Variants in HAAO observed in about 807,000 individuals in gnomAD.
HAAO encodes 3-hydroxyanthranilate 3,4-dioxygenase.
In HAAO, 49 loss-of-function variants were observed where a neutral mutation model predicts 46.2. That is an observed-to-expected ratio of 1.06 (90% CI 0.84 to 1.34). The LOEUF (loss-of-function observed/expected upper bound fraction) is 1.34. Among genes scored for constraint, HAAO ranks in the 40% most tolerant of loss-of-function variants. The pLI is 0.00. For synonymous variants in HAAO, 157 were observed against 145.2 expected (o/e 1.08, Z -0.58); for missense variants, 408 against 364.5 (o/e 1.12, Z -0.97).
At chr2:42,792,398 C>T in intron 1 of HAAO, 59 bp downstream of exon 1, 2 of 895,726 alleles carry the variant, frequency 2.2e-6, no homozygotes, top group Non-Finnish European at 1.7e-6. Flanking sequence ...GGTGAGGGCG[C>T]AGATGGAGGA....
rs536072596 is a variant in HAAO at position 42,775,117 on chromosome 2, C to T, written c.351-4535G>A. On this transcript the variant is annotated intron_variant, in intron 4 of 9. Coordinates refer to ENST00000294973, the MANE Select transcript of HAAO (RefSeq NM_012205.3). Reference sequence around the variant, plus strand: ...CAAAAATTAGCTGGGCGCAGTGGCGCGCACCTGTAATTCCAGCTATTCAGG... The same window carrying T: ...CAAAAATTAGCTGGGCGCAGTGGCGTGCACCTGTAATTCCAGCTATTCAGG... Among the ~76,000 whole-genome samples the T allele has an allele frequency of 5.3e-5, 8 of 152,178 alleles. No individual in the cohort carries two copies. The South Asian group carries it at 6.2e-4, about 12-fold the overall frequency.
intron 1 of HAAO, among the ~76,000 whole-genome samples, chr2:42,791,923 G>GGTGT (rs1553413105): frequency 6.7e-6 from 1 of 150,170 alleles, no homozygotes; most frequent in Non-Finnish European, 1.5e-5. Context: ...GGTCTGGTGT[G>GGTGT]GTGTGTGTGT....
At chr2:42,768,882 C>G (rs932260843) in intron 7 of HAAO, among the ~76,000 whole-genome samples, 2 of 152,196 alleles carry the variant, frequency 1.3e-5, no homozygotes, top group African/African-American at 4.8e-5. Context: ...CACCCCCAAG[C>G]CCCGCCTCTG....
chr2:42,775,860 CCT>C, intron 4 of HAAO, among the ~76,000 whole-genome samples: 1 of 67,488 alleles, frequency 1.5e-5, no homozygotes, highest in Non-Finnish European at 2.5e-5. Flanking sequence ...ATTGTGTTAT[CCT>C]TTTTTTTTTT....
chr2:42,788,551 T>C lies in HAAO; in HGVS notation c.137A>G (p.Tyr46Cys), dbSNP rs771936965. Residue 46 changes from tyrosine to cysteine, a missense_variant, in exon 2 of 10, where the codon TAT (tyrosine) becomes TGT (cysteine). Transcript: ENST00000294973. The part of the protein sequence containing the change: ...FIGGPNTRKD[Y>C]HIEEGEEVFY... ...TACCTCTTCACCCTCTTCGATGTGATAGTCCTTCCTGGTGTTGGGGCCTCC... is the reference window on the plus strand; with the variant it reads ...TACCTCTTCACCCTCTTCGATGTGACAGTCCTTCCTGGTGTTGGGGCCTCC... The C allele has an allele frequency of 1.2e-6, 2 of 1,607,140 alleles. No homozygotes were observed. The highest frequency in any genetic ancestry group is 1.7e-5 in the Admixed American group (1 of 60,004).
intron 4 of HAAO, among the ~76,000 whole-genome samples, chr2:42,779,688 C>T (rs1323221083): frequency 2.6e-5 from 4 of 152,156 alleles, no homozygotes; most frequent in Non-Finnish European, 5.9e-5. Flanking sequence ...AAGGTTTTCA[C>T]CTTTTTTGAA....
In HAAO at chr2:42,767,483, G is replaced by T. The variant is rs1558656216; in HGVS notation, c.815C>A (p.Ala272Asp). 1.2e-6 allele frequency: 2 copies of T among 1,613,088 alleles called. No individual in the cohort carries two copies. The highest frequency in any genetic ancestry group is 1.7e-6 in the Non-Finnish European group (2 of 1,179,540). Residue 272 changes from alanine to aspartate, a missense_variant, in exon 10 of 10, where the codon GCC (alanine) becomes GAC (aspartate). Coordinates refer to ENST00000294973, the MANE Select transcript of HAAO (RefSeq NM_012205.3). ...GGCAGGGTCCTGGGTCACAGACAGG[G>T]CCACAGAGCCTTGTGTTCGCTCCCA... ...YAWERTQGSVALSVTQDPACK... is the reference protein window; with the variant it reads ...YAWERTQGSVDLSVTQDPACK...
rs1368882960 is a variant in HAAO, at chr2:42,769,606, AGTGT to A, written c.630+103_630+106del. On this transcript the variant is annotated intron_variant, in intron 7 of 9. Transcript: ENST00000294973. ...GTGTGTGTGTGTGTGTGTGTGTGTG[AGTGT>A]GTGTGTGAAAGAGAGAGAGAGAGAG... is the stretch of plus-strand genomic sequence containing the variant. 7 of 660,694 alleles carry A rather than the reference AGTGT, an allele frequency of 1.1e-5. No homozygotes were observed. The East Asian group carries it at 1.2e-4, about 11-fold the overall frequency. The allele number at this position is 660,694 out of a possible 1,614,324, so 40.9% of individuals were successfully genotyped here. A position where few individuals can be genotyped will look rare whatever the true frequency, so the allele number is the denominator to read the frequency against.
chr2:42,783,860 T>C lies in HAAO; in HGVS notation c.167A>G (p.Tyr56Cys), dbSNP rs1405984908. 6 of 1,610,004 alleles carry C rather than the reference T, an allele frequency of 3.7e-6. No individual in the cohort carries two copies. The highest frequency in any genetic ancestry group is 4.2e-6 in the Non-Finnish European group (5 of 1,178,168). Reference protein sequence around the residue: ...YHIEEGEEVFYQLEGDMVLRV... With the variant: ...YHIEEGEEVFCQLEGDMVLRV... The stretch of plus-strand genomic sequence containing the variant: ...GAGAACCATGTCTCCCTCCAGCTGG[T>C]AAAATACCTGTGGGACAGGAGAGAG... Residue 56 changes from tyrosine to cysteine, a missense_variant, in exon 3 of 10, where the codon TAC becomes TGC. By Grantham distance (194) the Tyr-to-Cys change is radical. Transcript: ENST00000294973.
chr2:42,773,425 A>G (rs1436521369), intron 4 of HAAO, among the ~76,000 whole-genome samples: 1 of 151,978 alleles, frequency 6.6e-6, no homozygotes, highest in Non-Finnish European at 1.5e-5. Context: ...TTCTGGCTGC[A>G]CTGGGGGAGG....
intron 1 of HAAO, among the ~76,000 whole-genome samples, chr2:42,790,102 C>T (rs1324810387): frequency 6.6e-6 from 1 of 152,162 alleles, no homozygotes; most frequent in African/African-American, 2.4e-5. Flanking sequence ...CCAAACTAGA[C>T]TGGCAGGTCC....
Position 42,783,869 on chromosome 2 carries a change from T to C in HAAO, c.160-2A>G. On this transcript the variant is annotated splice_acceptor_variant, in intron 2 of 9. Coordinates refer to ENST00000294973, the MANE Select transcript of HAAO (RefSeq NM_012205.3). LOFTEE classifies it high-confidence loss of function. ...GTCTCCCTCCAGCTGGTAAAATACCTGTGGGACAGGAGAGAGGCTTGGACC... is the reference window on the plus strand; with the variant it reads ...GTCTCCCTCCAGCTGGTAAAATACCCGTGGGACAGGAGAGAGGCTTGGACC... 1 of 1,607,852 alleles carries C rather than the reference T, an allele frequency of 6.2e-7. No individual in the cohort carries two copies. The highest frequency in any genetic ancestry group is 8.5e-7 in the Non-Finnish European group (1 of 1,176,900).
chr2:42,787,120 G>A (rs1672447488), intron 2 of HAAO, among the ~76,000 whole-genome samples: 1 of 152,190 alleles, frequency 6.6e-6, no homozygotes, highest in Non-Finnish European at 1.5e-5. Context: ...CGTCCCTCCA[G>A]AGTGAGGACA....
intron 4 of HAAO, among the ~76,000 whole-genome samples, chr2:42,777,303 C>CAAAAAAAAAAAAA (rs1215772853): frequency 5.0e-4 from 20 of 40,150 alleles, no homozygotes; most frequent in South Asian, 2.6e-3. Flanking sequence ...ACTCTTATCG[C>CAAAAAAAAAAAAA]AAAAAAAAAA....
At chr2:42,785,739 G>A (rs1269465455) in intron 2 of HAAO, among the ~76,000 whole-genome samples, 1 of 151,988 alleles carries the variant, frequency 6.6e-6, no homozygotes, top group Non-Finnish European at 1.5e-5. Context: ...ATGTGTGCCT[G>A]TAGTCCTAAC....
chr2:42,783,725 G>C, intron 3 of HAAO, 59 bp downstream of exon 3: 1 of 1,425,450 alleles, frequency 7.0e-7, no homozygotes, highest in Non-Finnish European at 9.8e-7. Flanking sequence ...TGAGTGGACA[G>C]GGCGGATTCC....
At chr2:42,780,505 G>A (rs535008551) in intron 4 of HAAO, among the ~76,000 whole-genome samples, 16 of 151,584 alleles carry the variant, frequency 1.1e-4, no homozygotes, top group East Asian at 2.0e-4. Context: ...CGCGCCCGGC[G>A]AACACAGGTG....
rs1377924704 is a variant in HAAO, at chr2:42,770,180, G to A, written c.447C>T (p.Phe149=). The change falls in exon 6 of 10, where the codon TTC becomes TTT. Residue 149 remains phenylalanine, a synonymous_variant. Transcript: ENST00000294973. Reference sequence around the variant, plus strand: ...TTCCTGTTCTGTACTGCTCAGAGCTGAAGAACCTGCAAGGACGAACAGGGA... The same window carrying A: ...TTCCTGTTCTGTACTGCTCAGAGCTAAAGAACCTGCAAGGACGAACAGGGA... ...TQLAPIIQEF[F]SSEQYRTGKP... 3 of 1,599,876 alleles carry A rather than the reference G, an allele frequency of 1.9e-6. No individual in the cohort carries two copies. The highest frequency in any genetic ancestry group is 2.7e-5 in the African/African-American group (2 of 74,530).
intron 7 of HAAO, 73 bp downstream of exon 7, chr2:42,769,640 T>G: frequency 4.9e-6 from 6 of 1,223,814 alleles, no homozygotes; most frequent in Non-Finnish European, 7.0e-6. Context: ...AGAGAGGCAG[T>G]GAGAGAGAGA....
Sources: gnomAD v4.1 joint callset for allele counts (sites outside exome capture counted in the v4.1 genomes callset) on GRCh38, gnomAD v4.1.1 for gene constraint, MANE v1.5 for transcripts, NCBI Gene and HGNC (gene_info 2026-07-23, HGNC 2026-07-21) for gene names.